RXFP1: variants seen among roughly 807,000 people sequenced by gnomAD.
RXFP1 encodes the protein relaxin family peptide receptor 1, also known as relaxin receptor 1.
In RXFP1, 73 loss-of-function variants were observed where a neutral mutation model predicts 89.8. That is an observed-to-expected ratio of 0.81 (90% CI 0.67 to 0.99). The LOEUF (loss-of-function observed/expected upper bound fraction) is 0.99, where lower values mean the gene tolerates loss of function less well. Ranked by LOEUF, RXFP1 falls within the 50% of genes least tolerant of loss-of-function variation. The pLI is 0.00. For missense variants in RXFP1, 793 were observed against 895.5 expected, an observed-to-expected ratio of 0.89 and a Z score of 1.46; for synonymous variants, 277 against 305.5, an observed-to-expected ratio of 0.91 and a Z score of 0.97.
intron 10 of RXFP1, among the ~76,000 whole-genome samples, chr4:158,627,544 TGTGTG>T (rs753821191): frequency 6.7e-6 from 1 of 148,360 alleles, no homozygotes; most frequent in African/African-American, 2.6e-5. Flanking sequence ...TGTGTGTGTG[TGTGTG>T]TTTTATGATC....
chr4:158,548,777 C>T (rs1466167439), intron 1 of RXFP1, among the ~76,000 whole-genome samples: 2 of 152,166 alleles, frequency 1.3e-5, no homozygotes, highest in East Asian at 3.8e-4. Flanking sequence ...TGAAGATTGG[C>T]CCCCACTCTC....
chr4:158,605,269 GC>G (rs1432502064), intron 5 of RXFP1, 130 bp downstream of exon 5: 1 of 471,522 alleles, frequency 2.1e-6, no homozygotes, highest in African/African-American at 2.0e-5. Context: ...GAAATATTTA[GC>G]TGTTAACTGA....
intron 2 of RXFP1, among the ~76,000 whole-genome samples, chr4:158,579,198 G>A (rs763477882): frequency 1.3e-5 from 2 of 151,842 alleles, no homozygotes; most frequent in East Asian, 1.9e-4. Context: ...CTTCTGAGAC[G>A]CTGTGGCCCC....
Position 158,598,825 on chromosome 4 carries a change from A to T in RXFP1, c.287-501A>T, listed in dbSNP as rs182377956. ...AATTATTTGAAGAACTCCTGATTTT[A>T]AAAAAAAAACTATAGACACTATCAT... On this transcript the variant is annotated intron_variant, in intron 3 of 17. Transcript: ENST00000307765. Among the ~76,000 whole-genome samples, 368 of 147,276 alleles carry T rather than the reference A, an allele frequency of 2.5e-3. 1 individual carries two copies. The highest frequency in any genetic ancestry group is 6.9e-3 in the Middle Eastern group (2 of 288).
In RXFP1 at chr4:158,646,868, C is replaced by T. The variant is rs1771663818; in HGVS notation, c.1423C>T (p.His475Tyr). The part of the protein sequence containing the change: ...DLKFRGEYNK[H>Y]AQLWMESTHC... ...AAAGTTTCGTGGAGAATACAATAAG[C>T]ATGCGCAGCTGTGGATGGAGAGTAC... is the stretch of plus-strand genomic sequence containing the variant. Residue 475 changes from histidine (H) to tyrosine (Y), a missense_variant, in exon 16 of 18, where the codon CAT (histidine) becomes TAT (tyrosine). His to Tyr is a moderately conservative substitution (Grantham distance 83). Transcript: ENST00000307765. The T allele has an allele frequency of 6.2e-7, 1 of 1,614,052 alleles. No homozygotes were observed. The highest frequency in any genetic ancestry group is 8.5e-7 in the Non-Finnish European group (1 of 1,179,950).
chr4:158,599,199 C>T, intron 3 of RXFP1, 127 bp from the exon 4 acceptor site: 1 of 1,456,694 alleles, frequency 6.9e-7, no homozygotes, highest in Non-Finnish European at 9.2e-7. Context: ...CCTAAATTGC[C>T]TACGTAGCAC....
At chr4:158,598,863 C>T (rs952944309) in intron 3 of RXFP1, among the ~76,000 whole-genome samples, 3 of 151,322 alleles carry the variant, frequency 2.0e-5, no homozygotes, top group African/African-American at 2.4e-5. Flanking sequence ...GCCTTTAGTT[C>T]TCCTCGTTCT....
chr4:158,528,223 G>A (rs977155876), intron 1 of RXFP1, among the ~76,000 whole-genome samples: 3 of 152,180 alleles, frequency 2.0e-5, no homozygotes, highest in Non-Finnish European at 4.4e-5. Context: ...AGTAAGGCGG[G>A]GGGCAGTGTC....
chr4:158,612,562 T>A (rs1400619673), intron 8 of RXFP1, among the ~76,000 whole-genome samples, 200 bp downstream of exon 8: 1 of 152,068 alleles, frequency 6.6e-6, no homozygotes, highest in Non-Finnish European at 1.5e-5. Flanking sequence ...TTCTAGAATA[T>A]CAGCCCATAA....
intron 12 of RXFP1, among the ~76,000 whole-genome samples, chr4:158,635,372 C>T (rs1402313966): frequency 1.3e-5 from 2 of 152,166 alleles, no homozygotes; most frequent in East Asian, 3.9e-4. Context: ...AATTTTATAT[C>T]CAGGAATGTT....
chr4:158,596,869 G>A (rs4639026), intron 3 of RXFP1, among the ~76,000 whole-genome samples: 151,791 of 152,298 alleles, frequency 1, 75,654 homozygotes, highest in Middle Eastern at 1. Context: ...GAAAAACCAG[G>A]TAAGTCAGCA....
At chr4:158,635,163 A>G (rs1768906416) in intron 12 of RXFP1, among the ~76,000 whole-genome samples, 1 of 152,042 alleles carries the variant, frequency 6.6e-6, no homozygotes, top group Non-Finnish European at 1.5e-5. Flanking sequence ...TGAACATAGC[A>G]TGTCTTTCCT....
At chr4:158,621,846 A>G (rs1464422625) in intron 9 of RXFP1, among the ~76,000 whole-genome samples, 1 of 152,266 alleles carries the variant, frequency 6.6e-6, no homozygotes, top group Non-Finnish European at 1.5e-5. Flanking sequence ...AGAAATGCAA[A>G]TCAAAACCAC....
At chr4:158,598,474 G>A (rs141828556) in intron 3 of RXFP1, among the ~76,000 whole-genome samples, 4 of 152,042 alleles carry the variant, frequency 2.6e-5, no homozygotes, top group African/African-American at 7.2e-5. Flanking sequence ...GGGAGAAAAC[G>A]TTTCTCATTG....
At chr4:158,557,723 GTC>G (rs1186684034) in intron 1 of RXFP1, among the ~76,000 whole-genome samples, 1 of 152,172 alleles carries the variant, frequency 6.6e-6, no homozygotes, top group East Asian at 1.9e-4. Context: ...TTCAAAAAAA[GTC>G]TAATTTTAAG....
At chr4:158,651,278 A>T (rs936150665) in intron 17 of RXFP1, among the ~76,000 whole-genome samples, 11 of 152,156 alleles carry the variant, frequency 7.2e-5, no homozygotes, top group Non-Finnish European at 1.5e-4. Flanking sequence ...GTCAAAAGCT[A>T]AAAAAATGCA....
In RXFP1 at chr4:158,525,219, CG is replaced by C. The variant is rs61683066; in HGVS notation, c.49+3203del. Among the ~76,000 whole-genome samples, 810 of 138,168 alleles carry C rather than the reference CG, an allele frequency of 5.9e-3. 10 individuals carry two copies. The highest frequency in any genetic ancestry group is 0.02 in the African/African-American group (723 of 36,774). The allele number at this position is 138,168 out of a possible 152,430, so 90.6% of individuals were successfully genotyped here. On this transcript the variant is annotated intron_variant, in intron 1 of 17. Coordinates refer to ENST00000307765, the MANE Select transcript of RXFP1 (RefSeq NM_021634.4). Reference sequence around the variant, plus strand: ...TACTGTGTCCCACCTTATACTTTGGCGGGGGGGGGTTGGGTTTTTTTTTTAA... The same window carrying C: ...TACTGTGTCCCACCTTATACTTTGGCGGGGGGGGTTGGGTTTTTTTTTTAA...
intron 2 of RXFP1, among the ~76,000 whole-genome samples, chr4:158,578,900 G>A (rs150525947): frequency 1.1e-3 from 169 of 151,566 alleles, no homozygotes; most frequent in Admixed American, 3.4e-3. Context: ...GGGTCGTGTA[G>A]TGTGTTAGTA....
intron 1 of RXFP1, among the ~76,000 whole-genome samples, chr4:158,545,139 T>A (rs1464474533): frequency 1.3e-5 from 2 of 151,624 alleles, no homozygotes; most frequent in African/African-American, 2.4e-5. Context: ...TGATTGCCAT[T>A]CTAACTGGTG....
Sources: allele counts gnomAD v4.1 joint callset (sites outside exome capture counted in the v4.1 genomes callset), GRCh38; gene constraint gnomAD v4.1.1; transcripts MANE v1.5; gene names NCBI Gene and HGNC (gene_info 2026-07-23, HGNC 2026-07-21).